CERS6: variants seen among roughly 807,000 people sequenced by gnomAD.
The protein encoded by CERS6 is LAG1 homolog, ceramide synthase 6.
In CERS6, 26 loss-of-function variants were observed where a neutral mutation model predicts 56.8. The ratio of observed to expected loss-of-function variants is 0.46; its 90% CI spans 0.34 to 0.63. The LOEUF is 0.63. Among genes scored for constraint, CERS6 ranks in the 30% least tolerant of loss-of-function variants. The pLI is 0.01. For missense variants in CERS6, 415 were observed against 467.5 expected, an observed-to-expected ratio of 0.89 and a Z score of 1.04; for synonymous variants, 164 against 173.3, an observed-to-expected ratio of 0.95 and a Z score of 0.42.
At chr2:168,597,661 G>C (rs1329353417) in intron 3 of CERS6, among the ~76,000 whole-genome samples, 3 of 152,130 alleles carry the variant, frequency 2.0e-5, no homozygotes, top group African/African-American at 7.2e-5. Flanking sequence ...AAAATATTCT[G>C]GGGCCACCTT....
At chr2:168,462,657 C>A (rs983352961) in intron 1 of CERS6, among the ~76,000 whole-genome samples, 4 of 152,176 alleles carry the variant, frequency 2.6e-5, no homozygotes, top group African/African-American at 9.7e-5. Flanking sequence ...CCTACCTCAT[C>A]CTCCCAGTAG....
At chr2:168,605,129 C>A (rs1684022974) in intron 3 of CERS6, among the ~76,000 whole-genome samples, 1 of 152,116 alleles carries the variant, frequency 6.6e-6, no homozygotes, top group Non-Finnish European at 1.5e-5. Flanking sequence ...GTGATATGGA[C>A]AAAGATGGCC....
At chr2:168,683,701 A>G (rs982108698) in intron 4 of CERS6, among the ~76,000 whole-genome samples, 14 of 152,026 alleles carry the variant, frequency 9.2e-5, no homozygotes, top group Admixed American at 2.6e-4. Context: ...TGTTCTAAAC[A>G]TGGAATTGAT....
At chr2:168,627,551 G>A (rs1170245052) in intron 3 of CERS6, among the ~76,000 whole-genome samples, 1 of 151,418 alleles carries the variant, frequency 6.6e-6, no homozygotes, top group East Asian at 1.9e-4. Context: ...AGACCAACTG[G>A]GTATTTGTTC....
At chr2:168,547,759 G>C (rs1695493205) in intron 2 of CERS6, 58 bp downstream of exon 2, 1 of 1,196,188 alleles carries the variant, frequency 8.4e-7, no homozygotes, top group Non-Finnish European at 1.2e-6. Flanking sequence ...TCAGCCTGCT[G>C]TCATTCAATT....
chr2:168,507,283 A>G (rs917095145), intron 1 of CERS6, among the ~76,000 whole-genome samples: 18 of 152,272 alleles, frequency 1.2e-4, no homozygotes, highest in African/African-American at 3.9e-4. Context: ...CCTTTTTCCT[A>G]TCTTGTCCAG....
At position 168,744,493 on chromosome 2, in the gene CERS6, G is replaced by A. The variant is rs116938869; in HGVS notation, c.846-21099G>A. 6.1e-4 allele frequency among the ~76,000 whole-genome samples: 93 copies of A among 152,214 alleles called. No individual in the cohort carries two copies. The East Asian group carries it at 0.016, about 26-fold the overall frequency. ...ACCCTCGCTTCAAAAGACAATGTCT[G>A]CAAAATCCTGGGAGGATAAGCGTAA... On this transcript the variant is annotated intron_variant, in intron 8 of 9. Transcript: ENST00000305747.
At chr2:168,577,805 A>G (rs527431596) in intron 3 of CERS6, among the ~76,000 whole-genome samples, 2 of 152,208 alleles carry the variant, frequency 1.3e-5, no homozygotes, top group Non-Finnish European at 2.9e-5. Flanking sequence ...AGGAGGAAGT[A>G]TTAGCATTTT....
intron 8 of CERS6, among the ~76,000 whole-genome samples, chr2:168,739,122 T>C (rs1305448865): frequency 7.0e-6 from 1 of 142,504 alleles, no homozygotes; most frequent in Non-Finnish European, 1.5e-5. Context: ...TTTCCCAGGC[T>C]GGTCTCAAAT....
At chr2:168,753,494 G>A (rs1684333437) in intron 8 of CERS6, among the ~76,000 whole-genome samples, 1 of 151,954 alleles carries the variant, frequency 6.6e-6, no homozygotes, top group African/African-American at 2.4e-5. Context: ...TTGTTTATTT[G>A]GGTTCTTTTC....
intron 8 of CERS6, among the ~76,000 whole-genome samples, chr2:168,729,493 C>G (rs1683457394): frequency 6.6e-6 from 1 of 152,188 alleles, no homozygotes. Flanking sequence ...GAGCTTCCTC[C>G]CAACTGTCCT....
chr2:168,477,795 C>T (rs182781890), intron 1 of CERS6, among the ~76,000 whole-genome samples: 5 of 152,308 alleles, frequency 3.3e-5, no homozygotes, highest in Admixed American at 1.3e-4. Context: ...AACTTGCAAA[C>T]GCTTGCCAAT....
At chr2:168,605,907 G>T (rs778881979) in intron 3 of CERS6, among the ~76,000 whole-genome samples, 1 of 152,216 alleles carries the variant, frequency 6.6e-6, no homozygotes, top group African/African-American at 2.4e-5. Context: ...GAGCCCTCAT[G>T]GAGAACCTGT....
intron 4 of CERS6, among the ~76,000 whole-genome samples, chr2:168,644,920 C>T (rs913717947): frequency 2.0e-5 from 3 of 150,160 alleles, no homozygotes; most frequent in African/African-American, 7.4e-5. Flanking sequence ...GGGGAAACCC[C>T]GTCTCTATTA....
intron 1 of CERS6, among the ~76,000 whole-genome samples, chr2:168,528,835 C>T (rs1255516714): frequency 6.6e-6 from 1 of 152,140 alleles, no homozygotes; most frequent in East Asian, 1.9e-4. Context: ...ACCTTTAAAT[C>T]TTAGGTAATA....
intron 3 of CERS6, among the ~76,000 whole-genome samples, chr2:168,596,904 T>C (rs922063903): frequency 3.9e-5 from 6 of 152,196 alleles, no homozygotes; most frequent in Non-Finnish European, 8.8e-5. Context: ...ACTTTTTGTT[T>C]GCTCTAATAT....
chr2:168,669,714 T>C (rs1203965020), intron 4 of CERS6, among the ~76,000 whole-genome samples: 1 of 152,184 alleles, frequency 6.6e-6, no homozygotes, highest in African/African-American at 2.4e-5. Context: ...TGTGAATTTA[T>C]AGCATTTGAT....
intron 4 of CERS6, among the ~76,000 whole-genome samples, chr2:168,677,307 A>G (rs1686089806): frequency 1.3e-5 from 2 of 151,906 alleles, no homozygotes; most frequent in Admixed American, 1.3e-4. Flanking sequence ...GCTGAGAATG[A>G]TGGTTTCCAG....
At chr2:168,673,563 T>A (rs1685976848) in intron 4 of CERS6, among the ~76,000 whole-genome samples, 1 of 152,198 alleles carries the variant, frequency 6.6e-6, no homozygotes, top group African/African-American at 2.4e-5. Flanking sequence ...AGAAATTATT[T>A]GGTCCAGCCT....
Sources: gnomAD v4.1 joint callset for allele counts (sites outside exome capture counted in the v4.1 genomes callset) on GRCh38, gnomAD v4.1.1 for gene constraint, MANE v1.5 for transcripts, NCBI Gene and HGNC (gene_info 2026-07-23, HGNC 2026-07-21) for gene names.